Variants in DLG2 observed in about 807,000 individuals in gnomAD.
The protein encoded by DLG2 is disks large homolog 2.
In DLG2, 45 loss-of-function variants were observed where a neutral mutation model predicts 132.5. That is an observed-to-expected ratio of 0.34 (90% CI 0.27 to 0.44). The LOEUF (loss-of-function observed/expected upper bound fraction) is 0.44. Ranked by LOEUF, DLG2 falls within the 20% of genes least tolerant of loss-of-function variation. The pLI is 1.00. For missense variants in DLG2, 1,045 were observed against 1,196.9 expected (o/e 0.87, Z 1.87); for synonymous variants, 424 against 419.6 (o/e 1.01, Z -0.13).
chr11:84,494,331 G>C lies in DLG2; in HGVS notation c.519+40239C>G, dbSNP rs151072804. Among the ~76,000 whole-genome samples the C allele has an allele frequency of 8.9e-3, 1,356 of 152,272 alleles. 19 individuals carry two copies. Among genetic ancestry groups the C allele is most frequent in the African/African-American group, 0.031 (1,278 of 41,554 alleles). On this transcript the variant is annotated intron_variant, in intron 7 of 27. Coordinates refer to ENST00000376104, the MANE Select transcript of DLG2 (RefSeq NM_001142699.3). ...GGAAGAGAAAGAAAGGAGGTGAAAA[G>C]TGCTCTCAACATGAGGGTGAAAACA... is the stretch of plus-strand genomic sequence containing the variant.
At chr11:85,575,915 C>T (rs1046835087) in intron 3 of DLG2, among the ~76,000 whole-genome samples, 1 of 152,150 alleles carries the variant, frequency 6.6e-6, no homozygotes, top group African/African-American at 2.4e-5. Context: ...GCATTTGGCA[C>T]ACTATAGGTG....
At chr11:84,397,956 G>T (rs916208041) in intron 7 of DLG2, among the ~76,000 whole-genome samples, 3 of 152,128 alleles carry the variant, frequency 2.0e-5, no homozygotes, top group African/African-American at 7.2e-5. Flanking sequence ...ACCATAATTT[G>T]TTTTGATGCA....
chr11:83,472,800 C>A lies in DLG2; in HGVS notation c.2294-23G>T. On this transcript the variant is annotated intron_variant, in intron 22 of 27. Transcript: ENST00000376104. ...CTCCTGAGAAGAGAAGGAAAGAAAA[C>A]CACAGTGAACTAACAGTCATATATT... The A allele has an allele frequency of 1.9e-6, 3 of 1,601,006 alleles. No homozygotes were observed. In the African/African-American group the frequency reaches 4.0e-5, roughly 21 times the overall value.
chr11:83,772,408 T>C (rs2094431166), intron 18 of DLG2, among the ~76,000 whole-genome samples: 1 of 119,266 alleles, frequency 8.4e-6, no homozygotes, highest in Non-Finnish European at 1.6e-5. Context: ...AGACCCTGTC[T>C]CAATAAAAAA....
intron 6 of DLG2, among the ~76,000 whole-genome samples, chr11:84,714,579 C>CTCTTTCTCTT (rs2060866761): frequency 1.5e-5 from 2 of 132,060 alleles, no homozygotes; most frequent in Non-Finnish European, 3.1e-5. Context: ...CTTTCTCTTT[C>CTCTTTCTCTT]TCTTTCTCTT....
At chr11:84,401,790 C>T (rs1431599038) in intron 7 of DLG2, among the ~76,000 whole-genome samples, 2 of 152,190 alleles carry the variant, frequency 1.3e-5, no homozygotes, top group African/African-American at 4.8e-5. Context: ...TCATGCCATT[C>T]TCTTGCCTCA....
chr11:85,462,662 G>A (rs1176033931), intron 3 of DLG2, among the ~76,000 whole-genome samples: 1 of 151,904 alleles, frequency 6.6e-6, no homozygotes, highest in Non-Finnish European at 1.5e-5. Flanking sequence ...GGGGTGGGGG[G>A]AGCGGGGAGG....
intron 6 of DLG2, among the ~76,000 whole-genome samples, chr11:84,563,396 T>G (rs1443905022): frequency 6.6e-6 from 1 of 152,218 alleles, no homozygotes; most frequent in East Asian, 1.9e-4. Flanking sequence ...CCTGGCATTT[T>G]TGAGGCCTCC....
intron 7 of DLG2, among the ~76,000 whole-genome samples, 168 bp downstream of exon 7, chr11:84,534,402 C>T (rs1306346249): frequency 6.6e-6 from 1 of 152,098 alleles, no homozygotes; most frequent in Admixed American, 6.5e-5. Flanking sequence ...AAATATGTCC[C>T]AAAAATACAA....
At chr11:85,315,223 T>C (rs553104427) in intron 3 of DLG2, among the ~76,000 whole-genome samples, 2 of 152,150 alleles carry the variant, frequency 1.3e-5, no homozygotes, top group African/African-American at 4.8e-5. Flanking sequence ...ATGTGCTTTT[T>C]ACCTCAAGAA....
At chr11:84,387,727 A>G (rs1327080222) in intron 7 of DLG2, among the ~76,000 whole-genome samples, 1 of 152,224 alleles carries the variant, frequency 6.6e-6, no homozygotes, top group African/African-American at 2.4e-5. Flanking sequence ...CTTTATATCT[A>G]TAATATCCCT....
rs1309367184 is a variant in DLG2, at chr11:85,598,733, T to C, written c.-37A>G. On this transcript the variant is annotated 5_prime_UTR_variant, in exon 3 of 28. Transcript: ENST00000376104. ...CCGCATTTTTCAACAGCTGCTCCTC[T>C]GGTTTCCTTAATTTTTTGCAGTATT... 1.9e-6 allele frequency: 3 copies of C among 1,563,706 alleles called. No homozygotes were observed. The highest frequency in any genetic ancestry group is 2.6e-6 in the Non-Finnish European group (3 of 1,157,808).
rs1022727997 is a variant in DLG2, at chr11:84,532,141, T to A, written c.519+2429A>T. On this transcript the variant is annotated intron_variant, in intron 7 of 27. Coordinates refer to ENST00000376104, the MANE Select transcript of DLG2 (RefSeq NM_001142699.3). ...CATTTTTTTTTTTTTTTTTTTTTTT[T>A]ACTGTAACCGGGCTAGCATCCCTCA... is the stretch of plus-strand genomic sequence containing the variant. 7.3e-4 allele frequency among the ~76,000 whole-genome samples: 105 copies of A among 143,094 alleles called. 1 individual carries two copies. The highest frequency in any genetic ancestry group is 2.6e-3 in the African/African-American group (100 of 38,142). 93.9% of individuals were successfully genotyped at this position (143,094 alleles called of 152,430 possible).
intron 21 of DLG2, among the ~76,000 whole-genome samples, chr11:83,507,457 C>G (rs1043775772): frequency 2.3e-5 from 3 of 131,292 alleles, no homozygotes; most frequent in Non-Finnish European, 5.0e-5. Flanking sequence ...TATATATACA[C>G]ATATATATAC....
chr11:84,073,975 A>G (rs1173987786), intron 10 of DLG2, among the ~76,000 whole-genome samples: 1 of 152,196 alleles, frequency 6.6e-6, no homozygotes, highest in African/African-American at 2.4e-5. Context: ...TGTATAAAAT[A>G]TTTAAGAGAA....
chr11:84,333,405 T>C (rs562227343), intron 7 of DLG2, among the ~76,000 whole-genome samples: 1 of 152,346 alleles, frequency 6.6e-6, no homozygotes, highest in East Asian at 1.9e-4. Flanking sequence ...ATGACTGATT[T>C]GGCATTCAAT....
chr11:85,021,019 G>A, intron 6 of DLG2: 2 of 773,142 alleles, frequency 2.6e-6, no homozygotes, highest in South Asian at 1.3e-5. Flanking sequence ...TCTACTGCTT[G>A]TTTGTTCTGT....
intron 6 of DLG2, among the ~76,000 whole-genome samples, chr11:84,669,022 T>A (rs1413465563): frequency 6.6e-6 from 1 of 152,092 alleles, no homozygotes; most frequent in Non-Finnish European, 1.5e-5. Context: ...ATATAGTATA[T>A]CTGGTCTTGA....
At chr11:85,334,847 G>A (rs764833903) in intron 3 of DLG2, among the ~76,000 whole-genome samples, 4 of 152,168 alleles carry the variant, frequency 2.6e-5, no homozygotes, top group Non-Finnish European at 4.4e-5. Flanking sequence ...GGCTGAGCAT[G>A]TGGTCAATTT....
Sources: allele counts gnomAD v4.1 joint callset (sites outside exome capture counted in the v4.1 genomes callset), GRCh38; gene constraint gnomAD v4.1.1; transcripts MANE v1.5; gene names NCBI Gene and HGNC (gene_info 2026-07-23, HGNC 2026-07-21).